ZNF438: variants seen among roughly 807,000 people sequenced by gnomAD.
ZNF438 encodes the protein zinc finger protein 438.
ZNF438 carries 25 observed loss-of-function variants against 38.0 expected under a neutral mutation model. The observed-to-expected ratio is 0.66, with a 90% CI of 0.48 to 0.92. ZNF438 has a LOEUF of 0.92. ZNF438 is among the 40% of genes least tolerant of loss of function. The pLI is 0.00. For missense variants in ZNF438, 1,007 were observed against 999.6 expected (o/e 1.01, Z -0.10); for synonymous variants, 372 against 364.1 (o/e 1.02, Z -0.25).
chr10:30,869,145 G>C (rs1420800822), intron 4 of ZNF438, among the ~76,000 whole-genome samples: 1 of 152,192 alleles, frequency 6.6e-6, no homozygotes, highest in African/African-American at 2.4e-5. Flanking sequence ...GGCCAAGGCA[G>C]GCAGATCACC....
chr10:30,923,218 T>C (rs139860494), intron 2 of ZNF438: 1 of 152,326 alleles, frequency 6.6e-6, no homozygotes, highest in East Asian at 1.9e-4. Flanking sequence ...TCTGTCATAT[T>C]GTAAACACTG....
chr10:31,007,295 T>TC (rs1564839935), intron 1 of ZNF438, among the ~76,000 whole-genome samples: 1 of 149,250 alleles, frequency 6.7e-6, no homozygotes, highest in Non-Finnish European at 1.5e-5. Context: ...TTTTTTTTTT[T>TC]TTTGGAGACA....
In ZNF438 at chr10:30,961,525, A is replaced by AT. The variant is rs1451266464; in HGVS notation, c.-191-19875dup. On this transcript the variant is annotated intron_variant, in intron 1 of 5. Coordinates refer to ENST00000413025, the Ensembl canonical transcript of ZNF438. ...TTCTTTGATTGTATAATCGCATTTTATTTTTTTTAAACAAAAAGTGCTAAA... is the reference window on the plus strand; with the variant it reads ...TTCTTTGATTGTATAATCGCATTTTATTTTTTTTTAAACAAAAAGTGCTAAA... Among the ~76,000 whole-genome samples the AT allele has an allele frequency of 5.5e-5, 8 of 145,598 alleles. 1 individual carries two copies. The highest frequency in any genetic ancestry group is 2.2e-4 in the South Asian group (1 of 4,564).
chr10:31,028,684 A>T (rs943435800), intron 1 of ZNF438, among the ~76,000 whole-genome samples: 2 of 152,096 alleles, frequency 1.3e-5, no homozygotes, highest in African/African-American at 4.8e-5. Context: ...TTTTCCTCAT[A>T]CCCTGCTCCT....
intron 2 of ZNF438, among the ~76,000 whole-genome samples, chr10:30,916,055 G>A (rs914041035): frequency 2.0e-5 from 3 of 151,918 alleles, no homozygotes; most frequent in African/African-American, 7.2e-5. Context: ...CGGAACTTCT[G>A]AGAAACAGTC....
chr10:31,015,580 G>A (rs1039138072), intron 1 of ZNF438, among the ~76,000 whole-genome samples: 25 of 152,166 alleles, frequency 1.6e-4, no homozygotes, highest in African/African-American at 6.0e-4. Flanking sequence ...GGAGGCTGAG[G>A]TTGCAGTGAG....
At chr10:30,897,912 C>G (rs1365344714) in intron 3 of ZNF438, among the ~76,000 whole-genome samples, 1 of 152,174 alleles carries the variant, frequency 6.6e-6, no homozygotes, top group African/African-American at 2.4e-5. Context: ...AACAATCACA[C>G]AGCATTAAAC....
intron 3 of ZNF438, among the ~76,000 whole-genome samples, chr10:30,879,376 T>C (rs890746487): frequency 6.6e-5 from 10 of 152,184 alleles, no homozygotes; most frequent in African/African-American, 2.2e-4. Flanking sequence ...TTTAACTATG[T>C]ACCAGAAAAA....
chr10:30,933,356 T>C (rs2045896558), intron 2 of ZNF438, among the ~76,000 whole-genome samples: 1 of 152,236 alleles, frequency 6.6e-6, no homozygotes, highest in Admixed American at 6.5e-5. Context: ...GTTGCCAGTT[T>C]CCAAGAGAAT....
chr10:30,959,924 T>C (rs1009151754), intron 1 of ZNF438, among the ~76,000 whole-genome samples: 1 of 147,422 alleles, frequency 6.8e-6, no homozygotes, highest in African/African-American at 2.4e-5. Context: ...TTCCTGTTTC[T>C]CCACATCCTA....
chr10:31,002,938 C>T (rs1161181224), intron 1 of ZNF438, among the ~76,000 whole-genome samples: 2 of 152,162 alleles, frequency 1.3e-5, no homozygotes, highest in Admixed American at 6.5e-5. Flanking sequence ...TCTAAGTCCC[C>T]AAACAAGTAA....
intron 4 of ZNF438, among the ~76,000 whole-genome samples, chr10:30,858,139 G>A (rs1429836920): frequency 6.6e-6 from 1 of 152,224 alleles, no homozygotes. Flanking sequence ...CTTGAAACAG[G>A]CCCCCTGGAT....
rs574717374 is a variant in ZNF438, at chr10:30,964,305, A to G, written c.-191-22654T>C. Reference sequence around the variant, plus strand: ...TATTCAAGCTTCCATTAAATCTTTGATCACTCTCTAATTCAAGTAAAAATG... The same window carrying G: ...TATTCAAGCTTCCATTAAATCTTTGGTCACTCTCTAATTCAAGTAAAAATG... On this transcript the variant is annotated intron_variant, in intron 1 of 5. Transcript: ENST00000413025. 2.0e-5 allele frequency among the ~76,000 whole-genome samples: 3 copies of G among 152,304 alleles called. No individual in the cohort carries two copies. In the South Asian group the frequency reaches 6.2e-4, roughly 32 times the overall value.
intron 1 of ZNF438, among the ~76,000 whole-genome samples, chr10:31,027,314 ACT>A (rs1022318509): frequency 5.8e-4 from 88 of 152,226 alleles, no homozygotes; most frequent in South Asian, 3.1e-3. Flanking sequence ...GGCTAGACAC[ACT>A]GTTTTCAACA....
chr10:31,019,874 C>T (rs373620397), intron 1 of ZNF438, among the ~76,000 whole-genome samples: 42 of 152,060 alleles, frequency 2.8e-4, no homozygotes, highest in Admixed American at 2.4e-3. Flanking sequence ...GAAATCCATA[C>T]GAGTAAATGA....
At chr10:31,012,883 G>A (rs1413701304) in intron 1 of ZNF438, among the ~76,000 whole-genome samples, 1 of 152,130 alleles carries the variant, frequency 6.6e-6, no homozygotes, top group Non-Finnish European at 1.5e-5. Context: ...AGTAAACTGA[G>A]GGAATCTGAC....
At chr10:31,007,527 G>A (rs891726147) in intron 1 of ZNF438, among the ~76,000 whole-genome samples, 7 of 152,154 alleles carry the variant, frequency 4.6e-5, no homozygotes, top group South Asian at 2.1e-4. Context: ...TGATCTGCCC[G>A]CCTTGGCCTC....
At chr10:30,875,540 A>G (rs138219846) in intron 4 of ZNF438, 14 of 985,448 alleles carry the variant, frequency 1.4e-5, no homozygotes, top group Non-Finnish European at 1.7e-5. Flanking sequence ...ACCAGCTAGG[A>G]CACTGAATTT....
chr10:30,998,442 C>T (rs2132721672), intron 1 of ZNF438, among the ~76,000 whole-genome samples: 1 of 150,128 alleles, frequency 6.7e-6, no homozygotes, highest in Non-Finnish European at 1.5e-5. Flanking sequence ...ACTCAGGAGG[C>T]TGAGGCAGGA....
Sources: gnomAD v4.1 joint callset for allele counts (sites outside exome capture counted in the v4.1 genomes callset) on GRCh38, gnomAD v4.1.1 for gene constraint, MANE v1.5 for transcripts, NCBI Gene and HGNC (gene_info 2026-07-23, HGNC 2026-07-21) for gene names.